The following YBX1 variants were observed in gnomAD, a reference collection of about 807,000 sequenced individuals.
The protein encoded by YBX1 is Y-box binding protein 1.
In YBX1, 3 loss-of-function variants were observed where a neutral mutation model predicts 41.4. The ratio of observed to expected loss-of-function variants is 0.07; its 90% CI spans 0.03 to 0.19. YBX1 has a LOEUF of 0.19. Among genes scored for constraint, YBX1 ranks in the 10% least tolerant of loss-of-function variants. The pLI is 1.00. For missense variants in YBX1, 274 were observed against 462.8 expected (o/e 0.59, Z 3.74); for synonymous variants, 133 against 165.8 (o/e 0.80, Z 1.52).
intron 2 of YBX1, among the ~76,000 whole-genome samples, chr1:42,690,017 G>A (rs1557530695): frequency 6.6e-6 from 1 of 152,082 alleles, no homozygotes; most frequent in Non-Finnish European, 1.5e-5. Flanking sequence ...AAGCCAATGA[G>A]GCAGCTTTCC....
chr1:42,701,264 G>A (rs1650594047), intron 7 of YBX1, among the ~76,000 whole-genome samples: 1 of 152,106 alleles, frequency 6.6e-6, no homozygotes, highest in Non-Finnish European at 1.5e-5. Context: ...TCTCAATTCT[G>A]ACACTGGAGA....
chr1:42,693,922 A>G (rs1650399288), intron 3 of YBX1, among the ~76,000 whole-genome samples: 1 of 152,232 alleles, frequency 6.6e-6, no homozygotes, highest in Non-Finnish European at 1.5e-5. Flanking sequence ...AATCTCCATA[A>G]TCAAGGGTAA....
At position 42,698,266 on chromosome 1, in the gene YBX1, T is replaced by G. The variant is rs183277200; in HGVS notation, c.740+1004T>G. ...CATGTATTTATCAGCACATGTACAT[T>G]GAGAGTTTTGCAAGAGCAGCTGATG... On this transcript the variant is annotated intron_variant, in intron 6 of 7. Transcript: ENST00000321358. Among the ~76,000 whole-genome samples the G allele has an allele frequency of 3.3e-5, 5 of 152,324 alleles. No homozygotes were observed. In the East Asian group the frequency reaches 9.6e-4, roughly 29 times the overall value.
intron 2 of YBX1, among the ~76,000 whole-genome samples, chr1:42,692,466 G>A (rs1378023742): frequency 1.3e-5 from 2 of 152,006 alleles, no homozygotes; most frequent in Non-Finnish European, 2.9e-5. Context: ...TAATTATCCT[G>A]TTCCCATCAA....
intron 2 of YBX1, among the ~76,000 whole-genome samples, chr1:42,683,907 G>A (rs1301072256): frequency 4.6e-5 from 7 of 151,992 alleles, no homozygotes; most frequent in South Asian, 2.1e-4. Context: ...GACTATATGA[G>A]GTTTTGTCAT....
chr1:42,696,984 G>A lies in YBX1; in HGVS notation c.657+40G>A. The A allele has an allele frequency of 6.6e-7, 1 of 1,523,682 alleles. No individual in the cohort carries two copies. The highest frequency in any genetic ancestry group is 8.8e-7 in the Non-Finnish European group (1 of 1,136,944). 94.4% of individuals were successfully genotyped at this position (1,523,682 alleles called of 1,614,324 possible). A position where few individuals can be genotyped will look rare whatever the true frequency, so the allele number is the denominator to read the frequency against. On this transcript the variant is annotated intron_variant, in intron 5 of 7. Transcript: ENST00000321358. This position sits in a 1 kb window ranked among gnomAD's most constrained non-coding sequence, Gnocchi z 5.7. ...CAACAACAGCAATGTGATAAGTTCT[G>A]GTAGGACTGTTTAGAGCTGTTAATT...
chr1:42,683,558 GCT>G, intron 2 of YBX1, 92 bp downstream of exon 2: 2 of 1,457,248 alleles, frequency 1.4e-6, no homozygotes, highest in Non-Finnish European at 1.9e-6. Flanking sequence ...CCAATCCACA[GCT>G]CTGTTCTGAA....
At chr1:42,698,542 T>C (rs1650516411) in intron 6 of YBX1, among the ~76,000 whole-genome samples, 1 of 152,232 alleles carries the variant, frequency 6.6e-6, no homozygotes, top group Admixed American at 6.5e-5. Context: ...TACCTTTTGT[T>C]ACACTGAAGA....
At chr1:42,698,000 G>A (rs150519591) in intron 6 of YBX1, among the ~76,000 whole-genome samples, 1 of 152,252 alleles carries the variant, frequency 6.6e-6, no homozygotes, top group Non-Finnish European at 1.5e-5. Context: ...AAAGCTGACA[G>A]GTACCTCTGA....
At chr1:42,698,279 A>G (rs1169022127) in intron 6 of YBX1, among the ~76,000 whole-genome samples, 5 of 152,248 alleles carry the variant, frequency 3.3e-5, no homozygotes, top group African/African-American at 1.2e-4. Flanking sequence ...GAGTTTTGCA[A>G]GAGCAGCTGA....
At chr1:42,692,966 C>T (rs921687052) in intron 2 of YBX1, among the ~76,000 whole-genome samples, 128 of 152,316 alleles carry the variant, frequency 8.4e-4, no homozygotes, top group African/African-American at 2.9e-3. Context: ...GCTTTTCTTA[C>T]ATTCAAACAT....
chr1:42,688,089 G>A (rs973232110), intron 2 of YBX1, among the ~76,000 whole-genome samples: 1 of 152,098 alleles, frequency 6.6e-6, no homozygotes, highest in African/African-American at 2.4e-5. Context: ...TCACTGATAC[G>A]TGACTTGGAG....
intron 6 of YBX1, among the ~76,000 whole-genome samples, chr1:42,700,386 T>G (rs1650564935): frequency 6.6e-6 from 1 of 152,006 alleles, no homozygotes. Flanking sequence ...GGAGGATAGC[T>G]TGAGGTCAGG....
Position 42,701,996 on chromosome 1 carries a change from A to G in YBX1, c.*47A>G, listed in dbSNP as rs1650613425. On this transcript the variant is annotated 3_prime_UTR_variant, in exon 8 of 8. Transcript: ENST00000321358. ...TTCTTTACAGTTTAGTCATCCAACA[A>G]GAAGAAATATGAAATTCCAGCAATA... 6.4e-6 allele frequency: 1 copy of G among 156,474 alleles called. No individual in the cohort carries two copies. Among genetic ancestry groups the G allele is most frequent in the African/African-American group, 2.4e-5 (1 of 41,460 alleles). 9.7% of individuals were successfully genotyped at this position (156,474 alleles called of 1,614,324 possible). A position where few individuals can be genotyped will look rare whatever the true frequency, so the allele number is the denominator to read the frequency against.
At chr1:42,689,668 G>T (rs1227570400) in intron 2 of YBX1, among the ~76,000 whole-genome samples, 1 of 152,166 alleles carries the variant, frequency 6.6e-6, no homozygotes. Context: ...GATGGATTGG[G>T]CCATGAAAAG....
In YBX1 at chr1:42,700,057, A is replaced by G. The variant is rs576242451; in HGVS notation, c.741-724A>G. On this transcript the variant is annotated intron_variant, in intron 6 of 7. Transcript: ENST00000321358. ...TGGGAGAGTTGATTTAGAAGCCACA[A>G]TAAGGTTAGAACAGTCACCACTGTA... is the stretch of plus-strand genomic sequence containing the variant. Among the ~76,000 whole-genome samples the G allele has an allele frequency of 2.0e-5, 3 of 152,344 alleles. No individual in the cohort carries two copies. The South Asian group carries it at 6.2e-4, about 32-fold the overall frequency.
chr1:42,686,662 T>G (rs908747234), intron 2 of YBX1, among the ~76,000 whole-genome samples: 1 of 152,246 alleles, frequency 6.6e-6, no homozygotes, highest in Non-Finnish European at 1.5e-5. Flanking sequence ...GGATTCCATA[T>G]GTACATAACT....
rs12078312 is a variant in YBX1, at chr1:42,696,389, G to A, written c.354+101G>A. 3,601 of 1,244,912 alleles carry A rather than the reference G, an allele frequency of 2.9e-3. 89 individuals are homozygous for A. In the African/African-American group the frequency reaches 0.048, roughly 17 times the overall value. 77.1% of individuals were successfully genotyped at this position (1,244,912 alleles called of 1,614,324 possible). ...CTCTAATGTGGATGGATGTGTTCAG[G>A]TGACCTCATGAACACAGGTGCATCA... is the stretch of plus-strand genomic sequence containing the variant. On this transcript the variant is annotated intron_variant, in intron 4 of 7. Transcript: ENST00000321358. This position sits in a 1 kb window ranked among gnomAD's most constrained non-coding sequence, Gnocchi z 5.7.
At chr1:42,693,664 C>A in intron 3 of YBX1, 141 bp downstream of exon 3, 1 of 756,902 alleles carries the variant, frequency 1.3e-6, no homozygotes, top group Non-Finnish European at 2.1e-6. Flanking sequence ...TAGTAGCATG[C>A]TTAAAAATGT....
Sources: gnomAD v4.1 joint callset for allele counts (sites outside exome capture counted in the v4.1 genomes callset) on GRCh38, gnomAD v4.1.1 for gene constraint, Gnocchi (gnomAD v3.1) non-coding constraint, MANE v1.5 for transcripts, NCBI Gene and HGNC (gene_info 2026-07-23, HGNC 2026-07-21) for gene names.